The following ZC3H12B variants were observed in gnomAD, a reference collection of about 807,000 sequenced individuals.
ZC3H12B encodes probable ribonuclease ZC3H12B.
Under a neutral mutation model 43.9 loss-of-function variants are expected in ZC3H12B, and 7 were observed. The ratio of observed to expected loss-of-function variants is 0.16; its 90% CI spans 0.09 to 0.30. ZC3H12B has a LOEUF of 0.30. ZC3H12B is among the 10% of genes least tolerant of loss of function. The probability of loss-of-function intolerance (pLI) is 1.00; values close to 1 mark genes in which losing one functional copy is unlikely to be tolerated. For missense variants in ZC3H12B, 475 were observed against 670.2 expected (o/e 0.71, Z 3.22); for synonymous variants, 222 against 241.7 (o/e 0.92, Z 0.76).
the ZC3H12B span, among the ~76,000 whole-genome samples, chrX:65,217,784 T>A: frequency 9.0e-6 from 1 of 111,047 alleles, no homozygotes; most frequent in Non-Finnish European, 1.9e-5. Context: ...ATAGAAAGAA[T>A]AAAGCATGCC....
At chrX:65,408,514 G>A (rs2066864315) in intron 3 of ZC3H12B, 15 of 1,208,367 alleles carry the variant, frequency 1.2e-5, no homozygotes, top group Admixed American at 2.2e-5. Context: ...TTCCCCTTAC[G>A]CCTCACCCTT....
At chrX:65,306,065 C>T in the ZC3H12B span, among the ~76,000 whole-genome samples, 290 of 112,284 alleles carry the variant, frequency 2.6e-3, 2 homozygotes, top group African/African-American at 8.0e-3. Flanking sequence ...CATACCTTCT[C>T]TATCATGATA....
the ZC3H12B span, among the ~76,000 whole-genome samples, chrX:65,098,976 C>T: frequency 4.5e-5 from 5 of 111,588 alleles, no homozygotes; most frequent in African/African-American, 6.5e-5. Flanking sequence ...AGCTAAGAAC[C>T]ACTGGCTTGA....
At chrX:65,376,062 C>T (rs1197206730) in intron 2 of ZC3H12B, among the ~76,000 whole-genome samples, 1 of 111,964 alleles carries the variant, frequency 8.9e-6, no homozygotes, top group African/African-American at 3.2e-5. Flanking sequence ...AAATGGAGCC[C>T]ACTGCCCTAA....
exon 5 of ZC3H12B, chrX:65,502,782 C>T: frequency 1.7e-6 from 2 of 1,209,210 alleles, no homozygotes; most frequent in South Asian, 3.5e-5. Context: ...CCAGGCCGTG[C>T]CCTGGTGATG....
the ZC3H12B span, among the ~76,000 whole-genome samples, chrX:65,261,702 GATTTA>G: frequency 9.0e-6 from 1 of 110,800 alleles, no homozygotes; most frequent in Non-Finnish European, 1.9e-5. Context: ...CTAAGCAAAA[GATTTA>G]AGAAAGGTAT....
chrX:65,128,916 A>G, the ZC3H12B span, among the ~76,000 whole-genome samples: 3 of 111,343 alleles, frequency 2.7e-5, no homozygotes, highest in Admixed American at 1.9e-4. Flanking sequence ...CTGTCTTTCT[A>G]TATTCAACTG....
the ZC3H12B span, among the ~76,000 whole-genome samples, chrX:65,231,345 A>G: frequency 9.0e-6 from 1 of 111,464 alleles, no homozygotes; most frequent in Non-Finnish European, 1.9e-5. Flanking sequence ...CTCACTGGGC[A>G]TGCATTATCT....
At chrX:65,155,619 C>T in the ZC3H12B span, among the ~76,000 whole-genome samples, 4 of 111,151 alleles carry the variant, frequency 3.6e-5, no homozygotes, top group African/African-American at 1.3e-4. Context: ...TTGGGAGGCC[C>T]AAGGCAGGAG....
the ZC3H12B span, among the ~76,000 whole-genome samples, chrX:65,165,166 GTTA>G: frequency 8.9e-6 from 1 of 111,840 alleles, no homozygotes; most frequent in South Asian, 3.7e-4. Flanking sequence ...AATAAATACT[GTTA>G]TTATTTCAGT....
At chrX:65,126,577 A>AT in the ZC3H12B span, among the ~76,000 whole-genome samples, 20 of 109,403 alleles carry the variant, frequency 1.8e-4, no homozygotes, top group Admixed American at 1.8e-3. Flanking sequence ...TCCCTCAAAT[A>AT]TTTTTTTCAA....
the ZC3H12B span, among the ~76,000 whole-genome samples, chrX:65,109,828 G>C: frequency 9.9e-5 from 11 of 110,690 alleles, no homozygotes; most frequent in Admixed American, 2.9e-4. Flanking sequence ...AATGTATAAG[G>C]GTTCTAATTT....
chrX:65,271,890 G>C, the ZC3H12B span: 1 of 151,232 alleles, frequency 6.6e-6, no homozygotes, highest in South Asian at 1.6e-4. Flanking sequence ...AATAGTTTCA[G>C]ACTTACCCAC....
At chrX:65,384,204 TTCATGTCCTTTG>T (rs1297550146) in intron 2 of ZC3H12B, among the ~76,000 whole-genome samples, 1 of 101,920 alleles carries the variant, frequency 9.8e-6, no homozygotes, top group Non-Finnish European at 2.0e-5. Flanking sequence ...AAATGATGAG[TTCATGTCCTTTG>T]TAGGGACATG....
At chrX:65,190,862 C>T in the ZC3H12B span, among the ~76,000 whole-genome samples, 148 of 105,526 alleles carry the variant, frequency 1.4e-3, 1 homozygote, top group African/African-American at 4.8e-3. Flanking sequence ...AGAGAGGGCA[C>T]CCCTGTCTTG....
At chrX:65,073,861 C>T in the ZC3H12B span, among the ~76,000 whole-genome samples, 1 of 111,592 alleles carries the variant, frequency 9.0e-6, no homozygotes, top group Non-Finnish European at 1.9e-5. Context: ...TAGCCCTGTG[C>T]AGGGTTCCCA....
chrX:65,121,044 C>A, the ZC3H12B span, among the ~76,000 whole-genome samples: 8 of 111,088 alleles, frequency 7.2e-5, no homozygotes, highest in Non-Finnish European at 1.3e-4. Context: ...CTGCAGGATT[C>A]TTTTTGCCAG....
At chrX:65,121,086 A>C in the ZC3H12B span, among the ~76,000 whole-genome samples, 4 of 111,271 alleles carry the variant, frequency 3.6e-5, no homozygotes, top group East Asian at 1.1e-3. Flanking sequence ...ATCAATGTTC[A>C]TCAGGGATAT....
At chrX:65,379,898 A>G (rs894571403) in intron 2 of ZC3H12B, among the ~76,000 whole-genome samples, 6 of 111,880 alleles carry the variant, frequency 5.4e-5, no homozygotes, top group African/African-American at 1.9e-4. Context: ...GAGAAGGGAA[A>G]TTTAGAGAAA....
Sources: allele counts gnomAD v4.1 joint callset (sites outside exome capture counted in the v4.1 genomes callset), GRCh38; gene constraint gnomAD v4.1.1; transcripts MANE v1.5; gene names NCBI Gene and HGNC (gene_info 2026-07-23, HGNC 2026-07-21).